BYSL: variants seen among roughly 807,000 people sequenced by gnomAD.
BYSL encodes bystin like.
In BYSL, 21 loss-of-function variants were observed where a neutral mutation model predicts 45.4. The observed-to-expected ratio is 0.46, with a 90% CI of 0.33 to 0.67. BYSL has a LOEUF of 0.67. Ranked by LOEUF, BYSL falls within the 30% of genes least tolerant of loss-of-function variation. The pLI, the probability that BYSL is intolerant of heterozygous loss-of-function variation, is 0.02. For missense variants in BYSL, 522 were observed against 578.5 expected (o/e 0.90, Z 1.00); for synonymous variants, 215 against 231.3 (o/e 0.93, Z 0.64).
At chr6:41,921,303 T>C (rs1163394053), upstream of BYSL, 2 of 601,328 alleles carry the variant, frequency 3.3e-6, no homozygotes, top group Non-Finnish European at 5.7e-6. Flanking sequence ...TCCATGAAGC[T>C]AGGAGAGCGA....
intron 1 of BYSL, among the ~76,000 whole-genome samples, chr6:41,926,828 C>G (rs571919287): frequency 6.6e-6 from 1 of 151,304 alleles, no homozygotes; most frequent in South Asian, 2.1e-4. Context: ...GGAACAGTGG[C>G]TCACGCCCTG....
chr6:41,926,651 A>G (rs1041682241), intron 1 of BYSL, among the ~76,000 whole-genome samples: 13 of 150,658 alleles, frequency 8.6e-5, no homozygotes, highest in Non-Finnish European at 1.3e-4. Context: ...GGGTTTCACC[A>G]TGTTGACCAG....
intron 1 of BYSL, among the ~76,000 whole-genome samples, chr6:41,925,930 C>T (rs919598771): frequency 2.0e-5 from 3 of 152,158 alleles, no homozygotes; most frequent in African/African-American, 7.2e-5. Context: ...ATGATCCACC[C>T]GCCTTGGTCT....
chr6:41,931,651 C>G, intron 5 of BYSL, 77 bp from the exon 6 acceptor site: 1 of 1,606,510 alleles, frequency 6.2e-7, no homozygotes, highest in South Asian at 1.1e-5. Flanking sequence ...TGTCCCTGGG[C>G]TGGGTGGGAA....
upstream of BYSL, chr6:41,920,949 C>T (rs200188122): frequency 6.7e-5 from 106 of 1,590,374 alleles, 1 homozygote; most frequent in Non-Finnish European, 8.5e-5. Flanking sequence ...TCAAGGTCCT[C>T]TTTCCGGCCT....
the BYSL span, among the ~76,000 whole-genome samples, chr6:41,914,824 TGAG>T: frequency 1.3e-5 from 2 of 152,146 alleles, no homozygotes; most frequent in African/African-American, 2.4e-5. Context: ...TTTATGCTAA[TGAG>T]GAGGTCAAGG....
chr6:41,931,347 T>A (rs1775636317), intron 4 of BYSL, 49 bp from the exon 5 acceptor site: 7 of 1,605,140 alleles, frequency 4.4e-6, no homozygotes, highest in Non-Finnish European at 6.0e-6. Context: ...ATGGGCCGGG[T>A]CCAGACTGTC....
At chr6:41,924,488 G>C (rs1775536789) in intron 1 of BYSL, among the ~76,000 whole-genome samples, 1 of 152,206 alleles carries the variant, frequency 6.6e-6, no homozygotes, top group Non-Finnish European at 1.5e-5. Flanking sequence ...CCTCCAATTA[G>C]AATGTAAGCT....
upstream of BYSL, among the ~76,000 whole-genome samples, chr6:41,919,706 G>A (rs1429325751): frequency 1.3e-5 from 2 of 152,092 alleles, no homozygotes; most frequent in African/African-American, 4.8e-5. Flanking sequence ...AAAGCAGGAG[G>A]CTCGCTTGAG....
At chr6:41,916,749 C>A (rs984833108), upstream of BYSL, 22 of 1,610,062 alleles carry the variant, frequency 1.4e-5, no homozygotes, top group Admixed American at 2.3e-4. Flanking sequence ...AACTCCAAGC[C>A]TGGTTCCAGC....
chr6:41,909,338 C>G, the BYSL span: 1 of 1,614,178 alleles, frequency 6.2e-7, no homozygotes, highest in South Asian at 1.1e-5. Context: ...AGTCACAGTA[C>G]TGGTACCTGG....
chr6:41,916,222 G>A, the BYSL span, among the ~76,000 whole-genome samples: 4 of 151,908 alleles, frequency 2.6e-5, no homozygotes, highest in Non-Finnish European at 5.9e-5. Flanking sequence ...CTGCACTCCA[G>A]CCTGGGAGAC....
rs1314808375 is a variant in BYSL at position 41,932,203 on chromosome 6, G to A, written c.969-158G>A. Among the ~76,000 whole-genome samples, 2 of 152,088 alleles carry A rather than the reference G, an allele frequency of 1.3e-5. No homozygotes were observed. The highest frequency in any genetic ancestry group is 2.9e-5 in the Non-Finnish European group (2 of 68,032). On this transcript the variant is annotated intron_variant, in intron 6 of 6. Transcript: ENST00000230340. The surrounding 1 kb of genome is among the most constrained non-coding windows in gnomAD (Gnocchi z 4.7). ...AGAGATGGTGACTGAGGTCAAGGGA[G>A]TATAATATGATTGTGTAGGTGAGAA...
rs1775475186 is a variant in BYSL, at chr6:41,921,628, G to A, written c.66G>A (p.Gln22=). Residue 22 remains glutamine, a synonymous_variant, in exon 1 of 7, where the codon CAG becomes CAA. Transcript: ENST00000230340. ...AAAAACATGCGCCCCTGGCCGATCA[G>A]ATCCTGGCTGGGAATGCGGTGCGGG... ...GQEKHAPLAD[Q]ILAGNAVRAG... 6.2e-7 allele frequency: 1 copy of A among 1,613,394 alleles called. No homozygotes were observed. Among genetic ancestry groups the A allele is most frequent in the African/African-American group, 1.3e-5 (1 of 74,948 alleles).
chr6:41,931,258 C>G, intron 4 of BYSL, 138 bp from the exon 5 acceptor site: 1 of 999,130 alleles, frequency 1.0e-6, no homozygotes, highest in Non-Finnish European at 1.5e-6. Context: ...GCACACAGCT[C>G]CCACACATCC....
intron 2 of BYSL, among the ~76,000 whole-genome samples, chr6:41,929,049 G>A (rs1440787675): frequency 2.0e-5 from 3 of 152,176 alleles, no homozygotes; most frequent in East Asian, 1.9e-4. Flanking sequence ...TTACAGGCAC[G>A]TACCACCACG....
chr6:41,909,515 G>T, the BYSL span: 3 of 1,614,028 alleles, frequency 1.9e-6, no homozygotes, highest in East Asian at 4.5e-5. Flanking sequence ...TCAGCTTCCC[G>T]GTCTGACCTG....
chr6:41,927,535 A>C lies in BYSL; in HGVS notation c.430A>C (p.Arg144=). The part of the protein sequence containing the change: ...EMFMNKNPPA[R]RTLADIIMEK... ...GTTCATGAACAAGAACCCTCCTGCC[A>C]GGTAGGCCTGGGGATTTGGGATAAT... The change falls in exon 2 of 7, where the codon AGG becomes CGG. Residue 144 remains arginine, a splice_region_variant and synonymous_variant. Coordinates refer to ENST00000230340, the MANE Select transcript of BYSL (RefSeq NM_004053.4). 1 of 1,613,706 alleles carries C rather than the reference A, an allele frequency of 6.2e-7. No homozygotes were observed. Among genetic ancestry groups the C allele is most frequent in the Non-Finnish European group, 8.5e-7 (1 of 1,179,708 alleles).
At chr6:41,924,227 ATTT>A (rs57469455) in intron 1 of BYSL, among the ~76,000 whole-genome samples, 1 of 144,828 alleles carries the variant, frequency 6.9e-6, no homozygotes. Context: ...CACCCAGCTA[ATTT>A]TTTTTTTTTT....
Sources: allele counts gnomAD v4.1 joint callset (sites outside exome capture counted in the v4.1 genomes callset), GRCh38; gene constraint gnomAD v4.1.1; non-coding constraint Gnocchi (gnomAD v3.1); transcripts MANE v1.5; gene names NCBI Gene and HGNC (gene_info 2026-07-23, HGNC 2026-07-21).